LRGUK: variants seen among roughly 807,000 people sequenced by gnomAD.
LRGUK encodes the protein leucine-rich repeat and guanylate kinase domain-containing protein.
LRGUK carries 65 observed loss-of-function variants against 76.0 expected under a neutral mutation model. That is an observed-to-expected ratio of 0.85 (90% CI 0.70 to 1.05). The LOEUF is 1.05. Ranked by LOEUF, LRGUK falls within the 50% of genes least tolerant of loss-of-function variation. The pLI is 0.00. For synonymous variants in LRGUK, 268 were observed against 265.6 expected, an observed-to-expected ratio of 1.01 and a Z score of -0.09; for missense variants, 758 against 732.8, an observed-to-expected ratio of 1.03 and a Z score of -0.40.
At chr7:134,253,242 A>G (rs1327955270) in intron 18 of LRGUK, among the ~76,000 whole-genome samples, 1 of 152,212 alleles carries the variant, frequency 6.6e-6, no homozygotes, top group African/African-American at 2.4e-5. Flanking sequence ...AAATCATGAA[A>G]AGACAGAACT....
intron 8 of LRGUK, 68 bp from the exon 9 acceptor site, chr7:134,176,909 C>T: frequency 1.1e-6 from 1 of 909,250 alleles, no homozygotes. Context: ...TCATGAAAAC[C>T]CAATGCTGGT....
chr7:134,257,534 G>GGT (rs1802615602), intron 18 of LRGUK, among the ~76,000 whole-genome samples: 1 of 152,192 alleles, frequency 6.6e-6, no homozygotes, highest in Admixed American at 6.5e-5. Flanking sequence ...TGTGGGGCAT[G>GGT]GTGGCTTACA....
chr7:134,193,029 G>A (rs1431684212), intron 12 of LRGUK, among the ~76,000 whole-genome samples: 1 of 152,124 alleles, frequency 6.6e-6, no homozygotes, highest in Admixed American at 6.5e-5. Context: ...CATAGGCTTT[G>A]CAGTTTCTAT....
chr7:134,169,266 G>C (rs1799145648), intron 7 of LRGUK, among the ~76,000 whole-genome samples: 1 of 152,014 alleles, frequency 6.6e-6, no homozygotes, highest in East Asian at 1.9e-4. Flanking sequence ...GCCAAGCAAG[G>C]TCTGGAGTTA....
Position 134,183,817 on chromosome 7 carries a change from G to A in LRGUK, c.1298G>A (p.Arg433His), listed in dbSNP as rs751565610. Reference sequence around the variant, plus strand: ...TGTGGGAAACGAGAGCTTGCCCATCGCCTCTGCAGACAGTTTAGCACTTAC... The same window carrying A: ...TGTGGGAAACGAGAGCTTGCCCATCACCTCTGCAGACAGTTTAGCACTTAC... The change falls in exon 11 of 16, where the codon CGC becomes CAC. Residue 433 changes from arginine to histidine, a missense_variant. Transcript: ENST00000645682. 22 of 1,613,920 alleles carry A rather than the reference G, an allele frequency of 1.4e-5. No homozygotes were observed. Among genetic ancestry groups the A allele is most frequent in the Admixed American group, 1.7e-5 (1 of 59,996 alleles).
rs574761991 is a variant in LRGUK at position 134,149,516 on chromosome 7, T to G, written c.670+1197T>G. Among the ~76,000 whole-genome samples, 3 of 152,316 alleles carry G rather than the reference T, an allele frequency of 2.0e-5. No individual in the cohort carries two copies. The South Asian group carries it at 6.2e-4, about 32-fold the overall frequency. Reference sequence around the variant, plus strand: ...GTATCTTGTAAAAGAAAAAAATCCTTTATTTATATATGATGGAAAGCTTGG... The same window carrying G: ...GTATCTTGTAAAAGAAAAAAATCCTGTATTTATATATGATGGAAAGCTTGG... On this transcript the variant is annotated intron_variant, in intron 5 of 15. Transcript: ENST00000645682.
At chr7:134,213,871 C>G (rs528457947), downstream of LRGUK, among the ~76,000 whole-genome samples, 2 of 152,302 alleles carry the variant, frequency 1.3e-5, no homozygotes, top group Non-Finnish European at 2.9e-5. Flanking sequence ...TTGCCATTTT[C>G]CATCTATATT....
rs754953283 is a variant in LRGUK at position 134,127,684 on chromosome 7, C to T, written c.297+20C>T. On this transcript the variant is annotated intron_variant, in intron 1 of 15. Coordinates refer to ENST00000645682, the Ensembl canonical transcript of LRGUK. The stretch of plus-strand genomic sequence containing the variant: ...TTGGAGGTGTGTCTTCCCCCCCACC[C>T]CGTACTCCCTGGCTCCCTCGTCCAG... The T allele has an allele frequency of 6.2e-6, 10 of 1,601,968 alleles. No homozygotes were observed. The highest frequency in any genetic ancestry group is 4.5e-5 in the South Asian group (4 of 89,706).
At position 134,199,334 on chromosome 7, in the gene LRGUK, GA is replaced by G; in HGVS notation, c.1663del (p.Ile555LeufsTer25). Reference sequence around the variant, plus strand: ...GAGAAAAGGATTATTCAGTCGTGCAGAAATTGAATTTGCTGTCTCCAGAGTG... The same window carrying G: ...GAGAAAAGGATTATTCAGTCGTGCAGAATTGAATTTGCTGTCTCCAGAGTG... On this transcript the variant is annotated frameshift_variant, in exon 14 of 16. Coordinates refer to ENST00000645682, the Ensembl canonical transcript of LRGUK. LOFTEE classifies it high-confidence loss of function. The G allele has an allele frequency of 6.2e-7, 1 of 1,613,848 alleles. No individual in the cohort carries two copies. The highest frequency in any genetic ancestry group is 2.2e-5 in the East Asian group (1 of 44,830).
downstream of LRGUK, among the ~76,000 whole-genome samples, chr7:134,265,284 G>C (rs1802836108): frequency 6.6e-6 from 1 of 152,164 alleles, no homozygotes; most frequent in South Asian, 2.1e-4. Flanking sequence ...ACAGCATGGA[G>C]GAGCTGCACA....
At chr7:134,212,522 T>G (rs1311994486), downstream of LRGUK, among the ~76,000 whole-genome samples, 1 of 152,216 alleles carries the variant, frequency 6.6e-6, no homozygotes, top group Non-Finnish European at 1.5e-5. Flanking sequence ...GAAACTGATA[T>G]TTTAGAAATC....
At chr7:134,150,302 C>CA (rs1195990806) in intron 5 of LRGUK, among the ~76,000 whole-genome samples, 65 of 145,460 alleles carry the variant, frequency 4.5e-4, no homozygotes, top group East Asian at 1.0e-3. Flanking sequence ...CAAAAAAAAA[C>CA]AAAAAAAAAA....
intron 7 of LRGUK, among the ~76,000 whole-genome samples, chr7:134,167,776 A>G (rs1307291524): frequency 2.0e-5 from 3 of 152,150 alleles, no homozygotes; most frequent in African/African-American, 7.2e-5. Context: ...CACATCTTCA[A>G]ATAAATTCAC....
chr7:134,133,814 C>T (rs1797410981), intron 1 of LRGUK, among the ~76,000 whole-genome samples: 1 of 152,088 alleles, frequency 6.6e-6, no homozygotes, highest in African/African-American at 2.4e-5. Flanking sequence ...AGTCCCAGCA[C>T]TTTGGGAGGC....
intron 13 of LRGUK, among the ~76,000 whole-genome samples, chr7:134,198,010 G>C (rs1005539222): frequency 3.3e-5 from 5 of 152,146 alleles, no homozygotes; most frequent in African/African-American, 1.2e-4. Flanking sequence ...TGTCAACTCT[G>C]AATCTTTCTT....
chr7:134,228,122 A>C (rs1392181609), intron 16 of LRGUK, among the ~76,000 whole-genome samples: 4 of 152,200 alleles, frequency 2.6e-5, no homozygotes, highest in Admixed American at 2.6e-4. Flanking sequence ...AGGGGATAAA[A>C]TTACTTTCAA....
chr7:134,204,353 G>A (rs994626028), intron 15 of LRGUK, among the ~76,000 whole-genome samples: 1 of 152,198 alleles, frequency 6.6e-6, no homozygotes, highest in Non-Finnish European at 1.5e-5. Context: ...TTGGACTAAT[G>A]AGGTTAGGCT....
chr7:134,236,452 TG>T (rs2117184074), intron 16 of LRGUK, among the ~76,000 whole-genome samples: 1 of 152,346 alleles, frequency 6.6e-6, no homozygotes, highest in South Asian at 2.1e-4. Flanking sequence ...TAAAGGACTC[TG>T]TTTAGACTGT....
At chr7:134,238,638 G>A (rs1269522946) in intron 16 of LRGUK, among the ~76,000 whole-genome samples, 3 of 151,790 alleles carry the variant, frequency 2.0e-5, no homozygotes, top group African/African-American at 7.3e-5. Flanking sequence ...TTGATGTTTT[G>A]TGTCATTTTC....
Sources: gnomAD v4.1 joint callset for allele counts (sites outside exome capture counted in the v4.1 genomes callset) on GRCh38, gnomAD v4.1.1 for gene constraint, MANE v1.5 for transcripts, NCBI Gene and HGNC (gene_info 2026-07-23, HGNC 2026-07-21) for gene names.